The following DCAF5 variants were observed in gnomAD, a reference collection of about 807,000 sequenced individuals.
DCAF5 encodes the protein DDB1- and CUL4-associated factor 5.
Under a neutral mutation model 80.7 loss-of-function variants are expected in DCAF5, and 9 were observed. That is an observed-to-expected ratio of 0.11 (90% CI 0.07 to 0.19). DCAF5 has a LOEUF of 0.19. Among genes scored for constraint, DCAF5 ranks in the 10% least tolerant of loss-of-function variants. The pLI is 1.00. For missense variants in DCAF5, 842 were observed against 1,205.7 expected (o/e 0.70, Z 4.47); for synonymous variants, 433 against 461.9 (o/e 0.94, Z 0.80).
At chr14:69,083,757 A>T in intron 6 of DCAF5, 1 of 666,996 alleles carries the variant, frequency 1.5e-6, no homozygotes, top group South Asian at 1.7e-5. Flanking sequence ...AGTCTGATAC[A>T]AAAAAAGCAA....
At chr14:69,131,664 C>G (rs978233845) in intron 1 of DCAF5, among the ~76,000 whole-genome samples, 6 of 151,868 alleles carry the variant, frequency 4.0e-5, no homozygotes, top group Non-Finnish European at 8.8e-5. Context: ...TAAGTTGTAT[C>G]CATTCTACCA....
At chr14:69,082,072 A>G (rs932793079) in intron 6 of DCAF5, among the ~76,000 whole-genome samples, 1 of 152,248 alleles carries the variant, frequency 6.6e-6, no homozygotes, top group African/African-American at 2.4e-5. Context: ...ACCTTCTGTC[A>G]GAAAGGGAAA....
intron 6 of DCAF5, chr14:69,090,350 C>T (rs890315272): frequency 1.3e-5 from 2 of 155,540 alleles, no homozygotes; most frequent in Admixed American, 1.3e-4. Context: ...CAAATTAAGT[C>T]ATTCAGGTAC....
At chr14:69,098,098 A>T (rs770512577) in intron 5 of DCAF5, among the ~76,000 whole-genome samples, 10 of 151,534 alleles carry the variant, frequency 6.6e-5, no homozygotes, top group Admixed American at 1.3e-4. Context: ...CCTAGACAAT[A>T]CCCCCTACCC....
intron 6 of DCAF5, among the ~76,000 whole-genome samples, chr14:69,085,651 T>A (rs1157137921): frequency 1.2e-4 from 18 of 152,248 alleles, no homozygotes; most frequent in Admixed American, 1.2e-3. Context: ...AATATTTTAA[T>A]TTTAAATATC....
chr14:69,081,606 TCAA>T (rs1260957466), intron 6 of DCAF5, among the ~76,000 whole-genome samples: 2 of 152,230 alleles, frequency 1.3e-5, no homozygotes, highest in Non-Finnish European at 2.9e-5. Flanking sequence ...TAGGAAGAGA[TCAA>T]CAACTCTCTC....
intron 8 of DCAF5, among the ~76,000 whole-genome samples, chr14:69,061,829 C>T (rs974060998): frequency 2.6e-5 from 4 of 152,118 alleles, no homozygotes; most frequent in Non-Finnish European, 5.9e-5. Flanking sequence ...AGAAGACAAC[C>T]TCTGTTTCAA....
chr14:69,087,493 C>T (rs1448693252), intron 6 of DCAF5, among the ~76,000 whole-genome samples: 1 of 152,164 alleles, frequency 6.6e-6, no homozygotes, highest in Non-Finnish European at 1.5e-5. Flanking sequence ...AAGTGTAAGC[C>T]TTTAGTTAAG....
At chr14:69,102,591 GAC>G (rs143602483) in intron 5 of DCAF5, among the ~76,000 whole-genome samples, 16,431 of 124,770 alleles carry the variant, frequency 0.13, 1,135 homozygotes, top group Middle Eastern at 0.25. Flanking sequence ...TAAAAACAAA[GAC>G]ACACACACAC....
At chr14:69,114,897 C>G (rs1364606421) in intron 5 of DCAF5, among the ~76,000 whole-genome samples, 1 of 152,136 alleles carries the variant, frequency 6.6e-6, no homozygotes, top group Non-Finnish European at 1.5e-5. Flanking sequence ...CCACACTCCC[C>G]TCCTCTCTCA....
chr14:69,104,771 C>T (rs1335476237), intron 5 of DCAF5, among the ~76,000 whole-genome samples: 12 of 151,890 alleles, frequency 7.9e-5, no homozygotes, highest in South Asian at 6.2e-4. Flanking sequence ...GCAGGAGAAT[C>T]GCTTGAACCC....
chr14:69,064,218 T>A (rs1290984217), intron 7 of DCAF5, among the ~76,000 whole-genome samples: 5 of 152,206 alleles, frequency 3.3e-5, no homozygotes. Flanking sequence ...GACAGAGAGA[T>A]CCTACCATCC....
chr14:69,115,082 A>AGTTGT (rs2040500064), intron 5 of DCAF5, among the ~76,000 whole-genome samples: 1 of 152,226 alleles, frequency 6.6e-6, no homozygotes. Context: ...GAGGCAGAAC[A>AGTTGT]GTTGTTCCTA....
At chr14:69,085,138 T>A in intron 6 of DCAF5, 1 of 766,732 alleles carries the variant, frequency 1.3e-6, no homozygotes, top group Non-Finnish European at 2.4e-6. Flanking sequence ...AAATCATACA[T>A]ACAAACCTAC....
At chr14:69,110,795 T>C (rs2040335550) in intron 5 of DCAF5, among the ~76,000 whole-genome samples, 1 of 148,690 alleles carries the variant, frequency 6.7e-6, no homozygotes, top group African/African-American at 2.5e-5. Context: ...GGAGGACTGC[T>C]TGAGCCTTGG....
At chr14:69,062,989 C>CAAACA (rs990064974) in intron 7 of DCAF5, among the ~76,000 whole-genome samples, 1 of 151,376 alleles carries the variant, frequency 6.6e-6, no homozygotes, top group East Asian at 2.0e-4. Flanking sequence ...ATGAAGACAG[C>CAAACA]AAACAAAACA....
chr14:69,148,043 TAG>T (rs1232235365), intron 1 of DCAF5, among the ~76,000 whole-genome samples: 3 of 142,028 alleles, frequency 2.1e-5, no homozygotes, highest in Non-Finnish European at 4.5e-5. Context: ...CAAATGCACA[TAG>T]AGATACATTC....
intron 7 of DCAF5, among the ~76,000 whole-genome samples, chr14:69,068,456 T>TG (rs1424701808): frequency 3.2e-4 from 49 of 152,116 alleles, no homozygotes; most frequent in Admixed American, 3.2e-3. Context: ...CCCAGCACTT[T>TG]GGGAGGCCGA....
chr14:69,106,687 T>C (rs1191913651), intron 5 of DCAF5, among the ~76,000 whole-genome samples: 1 of 152,044 alleles, frequency 6.6e-6, no homozygotes, highest in Non-Finnish European at 1.5e-5. Context: ...TTACACATAT[T>C]TGAAAAAAAG....
Sources: allele counts gnomAD v4.1 joint callset (sites outside exome capture counted in the v4.1 genomes callset), GRCh38; gene constraint gnomAD v4.1.1; transcripts MANE v1.5; gene names NCBI Gene and HGNC (gene_info 2026-07-23, HGNC 2026-07-21).